MEOX2: variants seen among roughly 807,000 people sequenced by gnomAD.
MEOX2 encodes the protein mesenchyme homeobox 2, also known as homeobox protein MOX-2.
MEOX2 carries 11 observed loss-of-function variants against 27.0 expected under a neutral mutation model. The observed-to-expected ratio is 0.41, with a 90% CI of 0.26 to 0.68. The LOEUF is 0.68. MEOX2 is among the 30% of genes least tolerant of loss of function. The pLI is 0.33. For synonymous variants in MEOX2, 189 were observed against 155.4 expected (o/e 1.22, Z -1.61); for missense variants, 436 against 385.4 (o/e 1.13, Z -1.10).
At chr7:15,673,964 TAC>T (rs1208893513) in intron 1 of MEOX2, among the ~76,000 whole-genome samples, 2 of 152,074 alleles carry the variant, frequency 1.3e-5, no homozygotes, top group South Asian at 2.1e-4. Flanking sequence ...GTGCTCTAAA[TAC>T]ACACACATAC....
rs935181364 is a variant in MEOX2, at chr7:15,662,490, C to A, written c.517+23396G>T. On this transcript the variant is annotated intron_variant, in intron 1 of 2. Coordinates refer to ENST00000262041, the MANE Select transcript of MEOX2 (RefSeq NM_005924.5). The stretch of plus-strand genomic sequence containing the variant: ...GATTTGAACTGTCAGCAGAACAGAA[C>A]TTTTGAATGATACTAGATTCAAAAT... Among the ~76,000 whole-genome samples, 8 of 151,884 alleles carry A rather than the reference C, an allele frequency of 5.3e-5. 1 individual carries two copies. The highest frequency in any genetic ancestry group is 4.6e-4 in the Admixed American group (7 of 15,246).
intron 1 of MEOX2, among the ~76,000 whole-genome samples, chr7:15,646,576 T>A (rs577240602): frequency 1.4e-4 from 22 of 152,060 alleles, no homozygotes; most frequent in Non-Finnish European, 2.2e-4. Flanking sequence ...AAATCCTTAT[T>A]ATTTTACAAA....
At chr7:15,678,503 A>G (rs1343773156) in intron 1 of MEOX2, among the ~76,000 whole-genome samples, 2 of 152,190 alleles carry the variant, frequency 1.3e-5, no homozygotes, top group Admixed American at 6.5e-5. Context: ...CTTTGCATTC[A>G]TTGTTAATTT....
chr7:15,641,599 T>G (rs189853342), intron 1 of MEOX2, among the ~76,000 whole-genome samples: 1 of 152,276 alleles, frequency 6.6e-6, no homozygotes, highest in Admixed American at 6.5e-5. Context: ...AGTGGGGCAG[T>G]TAGGCTATTT....
rs906791984 is a variant in MEOX2 at position 15,614,043 on chromosome 7, A to C, written c.691-1432T>G. Among the ~76,000 whole-genome samples, 54 of 116,378 alleles carry C rather than the reference A, an allele frequency of 4.6e-4. 1 individual carries two copies. Among genetic ancestry groups the C allele is most frequent in the African/African-American group, 1.4e-3 (54 of 38,058 alleles). 76.3% of individuals were successfully genotyped at this position (116,378 alleles called of 152,430 possible). A position where few individuals can be genotyped will look rare whatever the true frequency, so the allele number is the denominator to read the frequency against. The stretch of plus-strand genomic sequence containing the variant: ...CTCTTAATATTAATTAATATGTTTA[A>C]ATTTATCTATTGTTTCTTTTATGAC... On this transcript the variant is annotated intron_variant, in intron 2 of 2. Transcript: ENST00000262041.
intron 1 of MEOX2, among the ~76,000 whole-genome samples, chr7:15,661,046 AAGAG>A (rs1370580399): frequency 6.7e-6 from 1 of 150,126 alleles, no homozygotes; most frequent in Non-Finnish European, 1.5e-5. Context: ...AAAAAAGAGA[AAGAG>A]AGAGAAAGGA....
chr7:15,667,158 G>A (rs889598560), intron 1 of MEOX2, among the ~76,000 whole-genome samples: 3 of 151,450 alleles, frequency 2.0e-5, no homozygotes, highest in Non-Finnish European at 2.9e-5. Context: ...GGGTGTGGTG[G>A]CACACGCCTG....
At chr7:15,666,779 A>AAATATATAT (rs1782014585) in intron 1 of MEOX2, among the ~76,000 whole-genome samples, 3 of 33,318 alleles carry the variant, frequency 9.0e-5, no homozygotes, top group African/African-American at 3.2e-4. Context: ...AAAAAAAAAA[A>AAATATATAT]ATATATATAT....
chr7:15,667,540 T>A (rs901768176), intron 1 of MEOX2, among the ~76,000 whole-genome samples: 2 of 152,106 alleles, frequency 1.3e-5, no homozygotes, highest in Non-Finnish European at 2.9e-5. Flanking sequence ...GCCAAGTCCC[T>A]GGAACTTAGG....
At chr7:15,672,016 C>T (rs1178516589) in intron 1 of MEOX2, among the ~76,000 whole-genome samples, 1 of 151,874 alleles carries the variant, frequency 6.6e-6, no homozygotes, top group African/African-American at 2.4e-5. Flanking sequence ...TCACTTGAAC[C>T]CAGGAGGCGG....
At chr7:15,669,201 A>G (rs1393826620) in intron 1 of MEOX2, among the ~76,000 whole-genome samples, 1 of 152,174 alleles carries the variant, frequency 6.6e-6, no homozygotes, top group Non-Finnish European at 1.5e-5. Context: ...TTTTCTCTAC[A>G]CTTCTTCTAT....
At chr7:15,661,852 G>A (rs1781924224) in intron 1 of MEOX2, among the ~76,000 whole-genome samples, 1 of 152,152 alleles carries the variant, frequency 6.6e-6, no homozygotes, top group Non-Finnish European at 1.5e-5. Context: ...AACAGATAAT[G>A]ACTGGCTGGG....
intron 1 of MEOX2, among the ~76,000 whole-genome samples, chr7:15,672,111 A>C (rs533823809): frequency 1.1e-4 from 16 of 145,776 alleles, no homozygotes; most frequent in African/African-American, 4.5e-4. Context: ...CAAAAAAAAC[A>C]AAAAAACAAA....
intron 1 of MEOX2, among the ~76,000 whole-genome samples, chr7:15,646,717 G>C (rs1562604484): frequency 6.6e-6 from 1 of 151,846 alleles, no homozygotes; most frequent in Non-Finnish European, 1.5e-5. Flanking sequence ...TTTGAAAAGA[G>C]CACCAATATT....
At chr7:15,662,040 T>C (rs1185955145) in intron 1 of MEOX2, among the ~76,000 whole-genome samples, 1 of 151,726 alleles carries the variant, frequency 6.6e-6, no homozygotes, top group Admixed American at 6.6e-5. Context: ...CCTTACACCC[T>C]GGAATTAAAA....
intron 1 of MEOX2, among the ~76,000 whole-genome samples, chr7:15,678,601 C>T (rs1381902909): frequency 1.3e-5 from 2 of 152,184 alleles, no homozygotes; most frequent in East Asian, 3.8e-4. Context: ...TAAGAATAAC[C>T]ATCCAAATGT....
intron 1 of MEOX2, among the ~76,000 whole-genome samples, chr7:15,642,436 C>T (rs1418578407): frequency 1.3e-5 from 2 of 151,828 alleles, no homozygotes; most frequent in African/African-American, 4.8e-5. Context: ...TTTTGAATTT[C>T]CTTTAGTGCA....
intron 2 of MEOX2, among the ~76,000 whole-genome samples, chr7:15,620,832 A>G (rs1032150111): frequency 6.6e-6 from 1 of 152,154 alleles, no homozygotes; most frequent in Non-Finnish European, 1.5e-5. Flanking sequence ...TATTCCAGTA[A>G]TCTTAACTAG....
chr7:15,679,939 T>C (rs1255030615), intron 1 of MEOX2: 3 of 151,846 alleles, frequency 2.0e-5, no homozygotes, highest in Non-Finnish European at 4.4e-5. Flanking sequence ...AAAACCAATA[T>C]TTAAAAATAC....
Sources: gnomAD v4.1 joint callset for allele counts (sites outside exome capture counted in the v4.1 genomes callset) on GRCh38, gnomAD v4.1.1 for gene constraint, MANE v1.5 for transcripts, NCBI Gene and HGNC (gene_info 2026-07-23, HGNC 2026-07-21) for gene names.